The following TMCO5A variants were observed in gnomAD, a reference collection of about 807,000 sequenced individuals.
TMCO5A encodes the protein transmembrane and coiled-coil domain-containing protein 5A.
Under a neutral mutation model 42.3 loss-of-function variants are expected in TMCO5A, and 34 were observed. The observed-to-expected ratio is 0.80, with a 90% CI of 0.61 to 1.07. TMCO5A has a LOEUF of 1.07. Among genes scored for constraint, TMCO5A ranks in the 50% least tolerant of loss-of-function variants. The probability of loss-of-function intolerance (pLI) is 0.00; values close to 1 mark genes in which losing one functional copy is unlikely to be tolerated. For synonymous variants in TMCO5A, 131 were observed against 115.6 expected, an observed-to-expected ratio of 1.13 and a Z score of -0.86; for missense variants, 357 against 327.9, an observed-to-expected ratio of 1.09 and a Z score of -0.69.
chr15:38,032,112 C>T, the TMCO5A span, among the ~76,000 whole-genome samples: 174 of 152,228 alleles, frequency 1.1e-3, 1 homozygote, highest in African/African-American at 3.9e-3. Context: ...TGCACCACCA[C>T]GCCTGGCTAA....
chr15:37,976,098 G>A, the TMCO5A span, among the ~76,000 whole-genome samples: 5 of 144,802 alleles, frequency 3.5e-5, no homozygotes, highest in East Asian at 1.9e-4. Flanking sequence ...ACAAAAATTA[G>A]CCAGGCATGG....
the TMCO5A span, among the ~76,000 whole-genome samples, chr15:37,981,898 A>G: frequency 6.6e-6 from 1 of 152,322 alleles, no homozygotes; most frequent in South Asian, 2.1e-4. Flanking sequence ...CTTAATCATT[A>G]CAGACAACGG....
chr15:37,936,510 G>A (rs1249646922), intron 3 of TMCO5A, 47 bp downstream of exon 3: 1 of 1,573,310 alleles, frequency 6.4e-7, no homozygotes, highest in African/African-American at 1.4e-5. Context: ...CAAAGAAGGG[G>A]TGGAGGACCA....
the TMCO5A span, among the ~76,000 whole-genome samples, chr15:38,031,992 G>A: frequency 2.2e-4 from 33 of 149,780 alleles, no homozygotes; most frequent in Non-Finnish European, 4.7e-4. Flanking sequence ...TTTTGCTTTC[G>A]TCGCCCAGGC....
rs138534675 is a variant in TMCO5A at position 37,951,165 on chromosome 15, C to T, written c.798C>T (p.Thr266=). 7 of 1,613,690 alleles carry T rather than the reference C, an allele frequency of 4.3e-6. No individual in the cohort carries two copies. The highest frequency in any genetic ancestry group is 5.9e-6 in the Non-Finnish European group (7 of 1,179,876). The change falls in exon 12 of 12, where the codon ACC becomes ACT. Residue 266 remains threonine, a synonymous_variant. Transcript: ENST00000319669. ...NVLPKVLGRS[T]LWKLRCFFFP... ...TGCCCAAGGTACTGGGCAGGAGCAC[C>T]TTGTGGAAGCTCAGATGCTTCTTCT...
chr15:38,017,224 A>C, the TMCO5A span, among the ~76,000 whole-genome samples: 6 of 152,312 alleles, frequency 3.9e-5, no homozygotes, highest in South Asian at 1.2e-3. Context: ...TATAGAATCA[A>C]ATTAATTTAT....
chr15:37,952,481 C>G (rs539871753), downstream of TMCO5A, among the ~76,000 whole-genome samples: 14 of 152,200 alleles, frequency 9.2e-5, no homozygotes, highest in African/African-American at 2.9e-4. Flanking sequence ...CAGAAGGGAG[C>G]CTGCTACTTT....
At chr15:37,978,392 T>TAA in the TMCO5A span, among the ~76,000 whole-genome samples, 1 of 152,232 alleles carries the variant, frequency 6.6e-6, no homozygotes, top group African/African-American at 2.4e-5. Context: ...ACAGAGCTAC[T>TAA]ACCAGTGGGA....
chr15:38,001,658 G>T, the TMCO5A span, among the ~76,000 whole-genome samples: 1 of 151,066 alleles, frequency 6.6e-6, no homozygotes, highest in Non-Finnish European at 1.5e-5. Flanking sequence ...TTTTGTTTTG[G>T]TACATCTGTT....
At chr15:37,971,497 A>C (rs1051438716), downstream of TMCO5A, among the ~76,000 whole-genome samples, 4 of 152,222 alleles carry the variant, frequency 2.6e-5, no homozygotes, top group African/African-American at 9.6e-5. Context: ...CTTGGGAATT[A>C]AGTAATTCCT....
chr15:37,989,448 C>T, the TMCO5A span, among the ~76,000 whole-genome samples: 1 of 151,668 alleles, frequency 6.6e-6, no homozygotes, highest in Non-Finnish European at 1.5e-5. Flanking sequence ...TACAAATTTC[C>T]TCCTCAGCAC....
downstream of TMCO5A, among the ~76,000 whole-genome samples, chr15:37,971,473 AT>A (rs1890672672): frequency 6.6e-6 from 1 of 152,088 alleles, no homozygotes; most frequent in South Asian, 2.1e-4. Flanking sequence ...GCTTAGAGAC[AT>A]TTTCCCCATT....
At chr15:38,013,354 C>G in the TMCO5A span, among the ~76,000 whole-genome samples, 1 of 12 alleles carries the variant, frequency 0.083, no homozygotes. Flanking sequence ...AGAAGTCCCT[C>G]CCCCCCTCTA....
chr15:37,987,963 C>G, the TMCO5A span, among the ~76,000 whole-genome samples: 6 of 152,040 alleles, frequency 3.9e-5, no homozygotes, highest in South Asian at 1.2e-3. Flanking sequence ...ACATTGACAT[C>G]TTAGCAATTT....
the TMCO5A span, among the ~76,000 whole-genome samples, chr15:37,975,985 GT>G: frequency 0.091 from 6 of 66 alleles, no homozygotes; most frequent in Non-Finnish European, 0.13. Flanking sequence ...CCTCACGCCT[GT>G]AATCCCCAGC....
At chr15:37,990,877 T>G in the TMCO5A span, among the ~76,000 whole-genome samples, 3 of 152,046 alleles carry the variant, frequency 2.0e-5, no homozygotes, top group East Asian at 3.8e-4. Flanking sequence ...CAGCCTAACT[T>G]TACTAACATA....
chr15:38,003,635 C>T, the TMCO5A span, among the ~76,000 whole-genome samples: 4 of 151,958 alleles, frequency 2.6e-5, no homozygotes, highest in Non-Finnish European at 5.9e-5. Context: ...TCACTCTTCC[C>T]TCCTCTTTTC....
At chr15:38,015,007 T>G in the TMCO5A span, among the ~76,000 whole-genome samples, 1 of 149,734 alleles carries the variant, frequency 6.7e-6, no homozygotes, top group Non-Finnish European at 1.5e-5. Context: ...GAACTTGGAG[T>G]CCGATGTTAG....
chr15:37,973,381 C>G, the TMCO5A span, among the ~76,000 whole-genome samples: 1 of 152,096 alleles, frequency 6.6e-6, no homozygotes, highest in African/African-American at 2.4e-5. Context: ...TTGCTTTGGT[C>G]AGTATGGCCA....
Sources: gnomAD v4.1 joint callset for allele counts (sites outside exome capture counted in the v4.1 genomes callset) on GRCh38, gnomAD v4.1.1 for gene constraint, MANE v1.5 for transcripts, NCBI Gene and HGNC (gene_info 2026-07-23, HGNC 2026-07-21) for gene names.